Variants in MERTK observed in about 807,000 individuals in gnomAD.
MERTK encodes the protein tyrosine-protein kinase Mer.
A neutral mutation model predicts 99.3 loss-of-function variants in MERTK; 69 were observed. The ratio of observed to expected loss-of-function variants is 0.70; its 90% CI spans 0.57 to 0.85. The LOEUF (loss-of-function observed/expected upper bound fraction) is 0.85. Among genes scored for constraint, MERTK ranks in the 40% least tolerant of loss-of-function variants. MERTK has a pLI of 0.00. For synonymous variants in MERTK, 426 were observed against 467.6 expected (o/e 0.91, Z 1.15); for missense variants, 1,125 against 1,249.4 (o/e 0.90, Z 1.50).
chr2:111,962,635 G>A (rs769419339), intron 4 of MERTK, among the ~76,000 whole-genome samples: 2 of 152,190 alleles, frequency 1.3e-5, no homozygotes, highest in Non-Finnish European at 2.9e-5. Flanking sequence ...TGGTGCATTT[G>A]CTACAATTGA....
chr2:111,958,278 T>C (rs1443413947), intron 4 of MERTK, among the ~76,000 whole-genome samples: 1 of 152,126 alleles, frequency 6.6e-6, no homozygotes, highest in East Asian at 1.9e-4. Context: ...CAAGGTCTAT[T>C]CCAGTCTGGT....
chr2:111,920,206 T>C (rs1684429118), intron 1 of MERTK, among the ~76,000 whole-genome samples: 1 of 152,244 alleles, frequency 6.6e-6, no homozygotes, highest in African/African-American at 2.4e-5. Context: ...AACACCGTGT[T>C]TTACAGGCAA....
At chr2:111,928,216 C>CCTTT (rs1558774697) in intron 1 of MERTK, among the ~76,000 whole-genome samples, 3 of 84,868 alleles carry the variant, frequency 3.5e-5, no homozygotes, top group Middle Eastern at 8.9e-3. Flanking sequence ...CCATGAGCAG[C>CCTTT]TTTTTTTTTT....
chr2:111,932,516 G>A (rs952223609), intron 2 of MERTK, among the ~76,000 whole-genome samples: 7 of 152,192 alleles, frequency 4.6e-5, no homozygotes, highest in Admixed American at 3.3e-4. Context: ...TAGCATACAG[G>A]ATGATACCAA....
At chr2:111,959,655 G>A (rs1411234741) in intron 4 of MERTK, among the ~76,000 whole-genome samples, 1 of 152,050 alleles carries the variant, frequency 6.6e-6, no homozygotes, top group Non-Finnish European at 1.5e-5. Context: ...TGTGTTTTTT[G>A]TAGAGATGGG....
At chr2:111,919,419 A>C (rs868500) in intron 1 of MERTK, among the ~76,000 whole-genome samples, 71,702 of 151,862 alleles carry the variant, frequency 0.47, 17,115 homozygotes, top group East Asian at 0.74. Context: ...CCTGGGTGGG[A>C]CATGGGCATC....
chr2:112,000,308 C>T (rs1363488573), intron 10 of MERTK, among the ~76,000 whole-genome samples: 1 of 152,228 alleles, frequency 6.6e-6, no homozygotes, highest in Non-Finnish European at 1.5e-5. Flanking sequence ...CATTAACTAA[C>T]ATCTCTACTT....
intron 8 of MERTK, among the ~76,000 whole-genome samples, chr2:111,987,283 AAC>A (rs1232157777): frequency 6.6e-6 from 1 of 152,172 alleles, no homozygotes; most frequent in African/African-American, 2.4e-5. Flanking sequence ...GCATTCCCGC[AAC>A]AGTCATGTCA....
chr2:112,013,924 G>A (rs1021184649), intron 15 of MERTK, among the ~76,000 whole-genome samples: 4 of 152,002 alleles, frequency 2.6e-5, no homozygotes, highest in African/African-American at 9.7e-5. Flanking sequence ...GCTCAATCTC[G>A]GCTCACCACA....
At chr2:111,963,066 G>A (rs148072926) in intron 4 of MERTK, among the ~76,000 whole-genome samples, 1,667 of 152,246 alleles carry the variant, frequency 0.011, 22 homozygotes, top group Non-Finnish European at 0.011. Context: ...CAGGGTCATA[G>A]GATAATAGTG....
rs1677516093 is a variant in MERTK, at chr2:112,028,494, T to G, written c.2630T>G (p.Leu877Trp). ...GACGTTATTTACGTCAATACACAGT[T>G]GCTGGAGAGCTCTGAGGGCCTGGCC... is the stretch of plus-strand genomic sequence containing the variant. The part of the protein sequence containing the change: ...QADVIYVNTQ[L>W]LESSEGLAQG... The change falls in exon 19 of 19, where the codon TTG (leucine) becomes TGG (tryptophan). Residue 877 changes from leucine to tryptophan, a missense_variant. Physicochemically the swap from Leu to Trp is moderately conservative, Grantham distance 61 (BLOSUM62 -2). Transcript: ENST00000295408. 1.2e-6 allele frequency: 2 copies of G among 1,614,224 alleles called. No individual in the cohort carries two copies. Among genetic ancestry groups the G allele is most frequent in the Non-Finnish European group, 1.7e-6 (2 of 1,180,052 alleles).
At chr2:111,929,019 G>A in intron 1 of MERTK, 101 bp from the exon 2 acceptor site, 2 of 1,189,274 alleles carry the variant, frequency 1.7e-6, no homozygotes, top group Non-Finnish European at 1.2e-6. Flanking sequence ...GGGGCACAGA[G>A]GACACCCCAG....
chr2:112,020,879 C>T (rs1677327588), intron 16 of MERTK, among the ~76,000 whole-genome samples: 1 of 152,042 alleles, frequency 6.6e-6, no homozygotes, highest in Non-Finnish European at 1.5e-5. Context: ...ACATCCCACA[C>T]AGATCAGAGC....
Position 111,954,104 on chromosome 2 carries a change from A to G in MERTK, c.757+6537A>G, listed in dbSNP as rs139734514. Among the ~76,000 whole-genome samples the G allele has an allele frequency of 4.1e-4, 62 of 152,332 alleles. No individual in the cohort carries two copies. The East Asian group carries it at 6.0e-3, about 15-fold the overall frequency. ...AAATACAGAGCTTCTCATTCCTGGC[A>G]TGACTCCCCACTACATGCAGGTTAA... On this transcript the variant is annotated intron_variant, in intron 4 of 18. Transcript: ENST00000295408.
chr2:111,970,789 TCCTCCTCCTCCCCCCTCCTCCTCCTCCTC>T (rs1558791471), intron 6 of MERTK, among the ~76,000 whole-genome samples: 2 of 12,880 alleles, frequency 1.6e-4, no homozygotes, highest in African/African-American at 5.9e-4. Flanking sequence ...TCCTCCTCCC[TCCTCCTCCTCCCCCCTCCTCCTCCTCCTC>T]CCTCCTCCTC....
intron 4 of MERTK, among the ~76,000 whole-genome samples, chr2:111,951,141 C>T (rs865791297): frequency 1.0e-5 from 1 of 97,594 alleles, no homozygotes; most frequent in Non-Finnish European, 2.1e-5. Flanking sequence ...GTTCGGGGGG[C>T]GGGGAGGGAG....
Position 111,974,790 on chromosome 2 carries a change from AAAG to A in MERTK, c.961-496_961-494del, listed in dbSNP as rs1312262198. 3.5e-3 allele frequency among the ~76,000 whole-genome samples: 491 copies of A among 139,968 alleles called. 2 individuals are homozygous for A. Among genetic ancestry groups the A allele is most frequent in the Middle Eastern group, 8.3e-3 (2 of 240 alleles). The allele number at this position is 139,968 out of a possible 152,430, so 91.8% of individuals were successfully genotyped here. A position where few individuals can be genotyped will look rare whatever the true frequency, so the allele number is the denominator to read the frequency against. On this transcript the variant is annotated intron_variant, in intron 6 of 18. Coordinates refer to ENST00000295408, the MANE Select transcript of MERTK (RefSeq NM_006343.3). ...ATCTCAAAAAAAAAAAAAAAAAAAA[AAAG>A]AAAGAAAAGAAAAGAAAAGAAAAAG...
chr2:111,900,057 T>TTCCATTCAGCATGTAGATTTTCTC lies in MERTK; in HGVS notation c.61+1264_61+1287dup, dbSNP rs559151692. On this transcript the variant is annotated intron_variant, in intron 1 of 18. Coordinates refer to ENST00000295408, the MANE Select transcript of MERTK (RefSeq NM_006343.3). ...TTTCTCTCAGCTAAAAGGTTTCTAT[T>TTCCATTCAGCATGTAGATTTTCTC]TCCATTCAGCATGTAGATTTTCTCT... Among the ~76,000 whole-genome samples, 803 of 152,248 alleles carry TTCCATTCAGCATGTAGATTTTCTC rather than the reference T, an allele frequency of 5.3e-3. 5 individuals carry two copies. Among genetic ancestry groups the TTCCATTCAGCATGTAGATTTTCTC allele is most frequent in the African/African-American group, 0.019 (775 of 41,542 alleles).
At chr2:111,977,303 A>G (rs1330005515) in intron 7 of MERTK, among the ~76,000 whole-genome samples, 2 of 152,106 alleles carry the variant, frequency 1.3e-5, no homozygotes, top group African/African-American at 4.8e-5. Context: ...TTTGAAAGGT[A>G]TTTTTATGAG....
Sources: allele counts gnomAD v4.1 joint callset (sites outside exome capture counted in the v4.1 genomes callset), GRCh38; gene constraint gnomAD v4.1.1; transcripts MANE v1.5; gene names NCBI Gene and HGNC (gene_info 2026-07-23, HGNC 2026-07-21).